Variants in UTP14A observed in about 807,000 individuals in gnomAD.
UTP14A encodes the protein UTP14A small subunit processome component.
Under a neutral mutation model 57.2 loss-of-function variants are expected in UTP14A, and 5 were observed. That is an observed-to-expected ratio of 0.09 (90% CI 0.05 to 0.18). The LOEUF is 0.18. Ranked by LOEUF, UTP14A falls within the 10% of genes least tolerant of loss-of-function variation. The probability of loss-of-function intolerance (pLI) is 1.00; values close to 1 mark genes in which losing one functional copy is unlikely to be tolerated. For missense variants in UTP14A, 430 were observed against 562.1 expected (o/e 0.76, Z 2.38); for synonymous variants, 169 against 210.9 (o/e 0.80, Z 1.72).
At chrX:129,908,038 T>C (rs1929320657) in intron 2 of UTP14A, 22 bp from the exon 3 acceptor site, 2 of 1,192,090 alleles carry the variant, frequency 1.7e-6, no homozygotes, top group African/African-American at 1.7e-5. Context: ...ATCCTGATTG[T>C]TTTTCCTTTT....
chrX:129,919,430 G>A lies in UTP14A; in HGVS notation c.693G>A (p.Arg231=), dbSNP rs1682090276. Residue 231 remains arginine (R), a synonymous_variant, in exon 8 of 15, where the codon CGG becomes CGA. Transcript: ENST00000394422. The part of the protein sequence containing the change: ...KMRRAELQRA[R]ALQSYYEAKA... ...GACGAGCAGAGCTTCAGAGGGCTCG[G>A]GCTCTGCAGTCCTACTATGAGGCCA... 8.3e-7 allele frequency: 1 copy of A among 1,210,176 alleles called. No homozygotes were observed. The highest frequency in any genetic ancestry group is 2.2e-5 in the Admixed American group (1 of 45,730).
At chrX:129,908,039 T>G (rs778228471) in intron 2 of UTP14A, 21 bp from the exon 3 acceptor site, 31 of 1,192,721 alleles carry the variant, frequency 2.6e-5, no homozygotes, top group Non-Finnish European at 6.8e-6. Flanking sequence ...TCCTGATTGT[T>G]TTTCCTTTTC....
At chrX:129,918,653 G>A (rs1452261780) in intron 6 of UTP14A, among the ~76,000 whole-genome samples, 3 of 110,755 alleles carry the variant, frequency 2.7e-5, no homozygotes, top group Non-Finnish European at 5.7e-5. Context: ...CGAGGCGGGC[G>A]GATCACGAGG....
At chrX:129,926,815 C>T (rs1431303225) in intron 14 of UTP14A, among the ~76,000 whole-genome samples, 1 of 111,821 alleles carries the variant, frequency 8.9e-6, no homozygotes, top group Non-Finnish European at 1.9e-5. Flanking sequence ...AAAGGGGACT[C>T]AAGAACGAGA....
At chrX:129,924,283 C>CTTT (rs556719731) in intron 11 of UTP14A, among the ~76,000 whole-genome samples, 14 of 82,528 alleles carry the variant, frequency 1.7e-4, no homozygotes, top group African/African-American at 4.6e-4. Flanking sequence ...TCACATGCTA[C>CTTT]TTTTTTTTTT....
intron 4 of UTP14A, among the ~76,000 whole-genome samples, chrX:129,910,252 T>C (rs1273476245): frequency 1.8e-5 from 2 of 111,301 alleles, no homozygotes; most frequent in African/African-American, 3.3e-5. Flanking sequence ...GGGTGGGGGT[T>C]GATATGAGGT....
chrX:129,927,740 C>T lies in UTP14A; in HGVS notation c.2043+1401C>T, dbSNP rs764926855. Among the ~76,000 whole-genome samples, 66 of 111,806 alleles carry T rather than the reference C, an allele frequency of 5.9e-4. 1 individual carries two copies. The highest frequency in any genetic ancestry group is 2.1e-3 in the African/African-American group (65 of 30,781). On this transcript the variant is annotated intron_variant, in intron 14 of 14. Transcript: ENST00000394422. The stretch of plus-strand genomic sequence containing the variant: ...CAGGCTGGTCTTGAACTCCTGACCT[C>T]AAGTGATCTGCCTGCCTCGGTCTCC...
chrX:129,925,883 T>C, intron 12 of UTP14A, 36 bp from the exon 13 acceptor site: 1 of 1,199,155 alleles, frequency 8.3e-7, no homozygotes, highest in Non-Finnish European at 1.1e-6. Flanking sequence ...CCACAGCTCA[T>C]AAGCCAAGCT....
intron 1 of UTP14A, 35 bp from the exon 2 acceptor site, chrX:129,907,332 T>C: frequency 8.6e-7 from 1 of 1,159,175 alleles, no homozygotes; most frequent in Non-Finnish European, 1.2e-6. Flanking sequence ...CATGGGTATA[T>C]TGCATTCACA....
chrX:129,927,507 GTT>G (rs769935887), intron 14 of UTP14A, among the ~76,000 whole-genome samples: 1 of 111,378 alleles, frequency 9.0e-6, no homozygotes, highest in Admixed American at 9.5e-5. Flanking sequence ...ACTGATTTTT[GTT>G]TGTTTGTTTT....
rs189419443 is a variant in UTP14A, at chrX:129,917,991, A to T, written c.538-1184A>T. ...CCAAGAACACTTATATGCATGGTTTATAGCAGTTGGCTATGGTCAAAAAAA... is the reference window on the plus strand; with the variant it reads ...CCAAGAACACTTATATGCATGGTTTTTAGCAGTTGGCTATGGTCAAAAAAA... On this transcript the variant is annotated intron_variant, in intron 6 of 14. Coordinates refer to ENST00000394422, the MANE Select transcript of UTP14A (RefSeq NM_006649.4). 5.1e-4 allele frequency among the ~76,000 whole-genome samples: 57 copies of T among 112,643 alleles called. No homozygotes were observed. The East Asian group carries it at 0.015, about 30-fold the overall frequency.
In UTP14A at chrX:129,908,141, C is replaced by T. The variant is rs1290446265; in HGVS notation, c.173+11C>T. 1.0e-5 allele frequency: 12 copies of T among 1,189,927 alleles called. No homozygotes were observed. The highest frequency in any genetic ancestry group is 2.3e-5 in the Admixed American group (1 of 43,440). On this transcript the variant is annotated intron_variant, in intron 3 of 14. Coordinates refer to ENST00000394422, the MANE Select transcript of UTP14A (RefSeq NM_006649.4). Reference sequence around the variant, plus strand: ...TGATGGAAAGAATAGGTAACGTTCCCGTCAGTTAGGGCAGGTTATATAGTC... The same window carrying T: ...TGATGGAAAGAATAGGTAACGTTCCTGTCAGTTAGGGCAGGTTATATAGTC...
chrX:129,925,987 A>G lies in UTP14A; in HGVS notation c.1818A>G (p.Arg606=), dbSNP rs750217956. The change falls in exon 13 of 15, where the codon AGA becomes AGG. Residue 606 remains arginine, a synonymous_variant. Coordinates refer to ENST00000394422, the MANE Select transcript of UTP14A (RefSeq NM_006649.4). ...CTTTTGCTGGGGATGATGTCATCAG[A>G]GATTTCTTGAAAGAGAAGAGGGAAG... ...KEAFAGDDVI[R]DFLKEKREAV... 8.3e-7 allele frequency: 1 copy of G among 1,211,675 alleles called. No individual in the cohort carries two copies. Among genetic ancestry groups the G allele is most frequent in the Non-Finnish European group, 1.1e-6 (1 of 895,462 alleles).
chrX:129,913,618 C>T lies in UTP14A; in HGVS notation c.537+1697C>T, dbSNP rs745994116. Among the ~76,000 whole-genome samples the T allele has an allele frequency of 7.2e-5, 8 of 111,813 alleles. No individual in the cohort carries two copies. The South Asian group carries it at 2.2e-3, about 31-fold the overall frequency. The stretch of plus-strand genomic sequence containing the variant: ...GGGTAGCATGCTACTACACACTGTC[C>T]TCCACCTTGCTTTTTCCAAATGACA... On this transcript the variant is annotated intron_variant, in intron 6 of 14. Transcript: ENST00000394422.
chrX:129,908,333 T>C, intron 3 of UTP14A: 1 of 428,900 alleles, frequency 2.3e-6, no homozygotes, highest in East Asian at 3.9e-5. Flanking sequence ...CTGAAAATCT[T>C]TTAAAGCATT....
chrX:129,907,521 T>C (rs764837108), intron 2 of UTP14A, 79 bp downstream of exon 2: 1 of 891,236 alleles, frequency 1.1e-6, no homozygotes, highest in East Asian at 3.2e-5. Context: ...GACAATGTTC[T>C]ATGTATTTGT....
Position 129,920,335 on chromosome X carries a change from C to T in UTP14A, c.753-122C>T. On this transcript the variant is annotated intron_variant, in intron 8 of 14. Transcript: ENST00000394422. ...TCCCAAACTGACTCCCTATAGCCAACTAGCTCTATGATGCCCATTCCAGCC... is the reference window on the plus strand; with the variant it reads ...TCCCAAACTGACTCCCTATAGCCAATTAGCTCTATGATGCCCATTCCAGCC... The T allele has an allele frequency of 3.0e-6, 3 of 1,011,990 alleles. No individual in the cohort carries two copies. In the South Asian group the frequency reaches 6.3e-5, roughly 21 times the overall value. 83.4% of individuals were successfully genotyped at this position (1,011,990 alleles called of 1,213,427 possible).
chrX:129,906,874 C>T (rs1298763822), intron 1 of UTP14A, among the ~76,000 whole-genome samples: 1 of 111,421 alleles, frequency 9.0e-6, no homozygotes, highest in African/African-American at 3.3e-5. Context: ...ATCAAGATAA[C>T]ACTTTTGATT....
At chrX:129,908,891 T>C (rs1014714607) in intron 4 of UTP14A, among the ~76,000 whole-genome samples, 157 bp downstream of exon 4, 1 of 111,662 alleles carries the variant, frequency 9.0e-6, no homozygotes, top group African/African-American at 3.3e-5. Flanking sequence ...TCAGATGCCC[T>C]TCAGTTTCTT....
Sources: gnomAD v4.1 joint callset for allele counts (sites outside exome capture counted in the v4.1 genomes callset) on GRCh38, gnomAD v4.1.1 for gene constraint, MANE v1.5 for transcripts, NCBI Gene and HGNC (gene_info 2026-07-23, HGNC 2026-07-21) for gene names.